IQCE: variants seen among roughly 807,000 people sequenced by gnomAD.
IQCE encodes IQ motif containing E, also known as IQ domain-containing protein E.
Under a neutral mutation model 96.0 loss-of-function variants are expected in IQCE, and 115 were observed. The observed-to-expected ratio is 1.20, with a 90% CI of 1.03 to 1.40. The LOEUF (loss-of-function observed/expected upper bound fraction) is 1.40, where lower values mean the gene tolerates loss of function less well. Among genes scored for constraint, IQCE ranks in the 40% most tolerant of loss-of-function variants. The pLI, the probability that IQCE is intolerant of heterozygous loss-of-function variation, is 0.00. For synonymous variants in IQCE, 412 were observed against 371.2 expected, an observed-to-expected ratio of 1.11 and a Z score of -1.26; for missense variants, 1,041 against 909.1, an observed-to-expected ratio of 1.15 and a Z score of -1.87.
intron 11 of IQCE, among the ~76,000 whole-genome samples, chr7:2,585,137 G>A (rs1782998559): frequency 6.6e-6 from 1 of 151,062 alleles, no homozygotes; most frequent in South Asian, 2.1e-4. Context: ...CTGGGTTCAA[G>A]TGATTATCTT....
In IQCE at chr7:2,613,279, G is replaced by A. The variant is rs1430657058; in HGVS notation, c.*3117G>A. The stretch of plus-strand genomic sequence containing the variant: ...CTGGTGAGCCACAGGTGCAGTACCC[G>A]GAGGTGTGCTCTCCCCTAGAGGCCT... On this transcript the variant is annotated 3_prime_UTR_variant, in exon 22 of 22. Transcript: ENST00000402050. 4 of 152,456 alleles carry A rather than the reference G, an allele frequency of 2.6e-5. No homozygotes were observed. Among genetic ancestry groups the A allele is most frequent in the Admixed American group, 6.5e-5 (1 of 15,296 alleles). The allele number at this position is 152,456 out of a possible 1,614,324, so 9.4% of individuals were successfully genotyped here. A position where few individuals can be genotyped will look rare whatever the true frequency, so the allele number is the denominator to read the frequency against.
At chr7:2,598,155 T>C (rs1784186025) in intron 16 of IQCE, 1 of 282,154 alleles carries the variant, frequency 3.5e-6, no homozygotes, top group South Asian at 1.6e-4. Flanking sequence ...CTGAGTGTAG[T>C]GAGTGTGTGA....
At chr7:2,566,291 CCT>C (rs1491103334) in intron 1 of IQCE, among the ~76,000 whole-genome samples, 1 of 139,168 alleles carries the variant, frequency 7.2e-6, no homozygotes, top group Non-Finnish European at 1.5e-5. Context: ...CAAAAAGCTT[CCT>C]TTTTTTTTTT....
chr7:2,582,041 A>G (rs2128449105), intron 8 of IQCE: 1 of 468,564 alleles, frequency 2.1e-6, no homozygotes, highest in Non-Finnish European at 4.4e-6. Flanking sequence ...ATATAAGAAT[A>G]TTGTCTCCTC....
At chr7:2,589,728 C>G (rs1320280790) in intron 13 of IQCE, among the ~76,000 whole-genome samples, 179 bp from the exon 14 acceptor site, 1 of 152,188 alleles carries the variant, frequency 6.6e-6, no homozygotes, top group East Asian at 1.9e-4. Flanking sequence ...GAGCAGGGAT[C>G]ATGCTCTTCC....
At chr7:2,565,266 T>C (rs1344920830) in intron 1 of IQCE, among the ~76,000 whole-genome samples, 2 of 151,880 alleles carry the variant, frequency 1.3e-5, no homozygotes, top group Admixed American at 6.6e-5. Context: ...CGTGTGTGTG[T>C]GTGCGCTGTG....
chr7:2,563,040 C>T lies in IQCE; in HGVS notation c.36+3823C>T, dbSNP rs144266903. 1.7e-3 allele frequency among the ~76,000 whole-genome samples: 266 copies of T among 152,264 alleles called. 1 individual carries two copies. The highest frequency in any genetic ancestry group is 6.3e-3 in the African/African-American group (262 of 41,542). On this transcript the variant is annotated intron_variant, in intron 1 of 21. Coordinates refer to ENST00000402050, the MANE Select transcript of IQCE (RefSeq NM_152558.5). ...TCCTGGGCTTGAGTGATCCTCCTGC[C>T]TCGGCCTCCCAAGTAGCTGGGACTA...
At chr7:2,605,792 G>A (rs1784772874) in intron 19 of IQCE, 84 bp from the exon 20 acceptor site, 7 of 1,335,558 alleles carry the variant, frequency 5.2e-6, no homozygotes, top group African/African-American at 1.5e-5. Flanking sequence ...TCTCCCTGAC[G>A]CCCAGGGTGC....
intron 11 of IQCE, among the ~76,000 whole-genome samples, chr7:2,585,927 T>C (rs1783069386): frequency 6.6e-6 from 1 of 152,226 alleles, no homozygotes; most frequent in Non-Finnish European, 1.5e-5. Flanking sequence ...TCCACAGCCC[T>C]TCTAGTGATG....
chr7:2,569,112 C>A, intron 3 of IQCE, 113 bp downstream of exon 3: 1 of 975,848 alleles, frequency 1.0e-6, no homozygotes. Context: ...ACGCCTCAGC[C>A]AGTTGGCCCC....
chr7:2,596,359 T>C (rs1416745672), intron 16 of IQCE, among the ~76,000 whole-genome samples: 1 of 150,560 alleles, frequency 6.6e-6, no homozygotes, highest in African/African-American at 2.4e-5. Context: ...CTGAAAACAC[T>C]ATTGAAATAC....
chr7:2,574,914 A>T (rs1443741750), intron 6 of IQCE, among the ~76,000 whole-genome samples: 1 of 151,996 alleles, frequency 6.6e-6, no homozygotes, highest in Admixed American at 6.5e-5. Context: ...TTCAGTTCTG[A>T]AATCTCTGTG....
chr7:2,585,436 C>T (rs1231547543), intron 11 of IQCE, among the ~76,000 whole-genome samples: 1 of 152,244 alleles, frequency 6.6e-6, no homozygotes, highest in African/African-American at 2.4e-5. Flanking sequence ...GATTAATTTT[C>T]ATCAAACTCA....
chr7:2,591,807 G>A (rs989869583), intron 14 of IQCE, among the ~76,000 whole-genome samples: 2 of 152,066 alleles, frequency 1.3e-5, no homozygotes, highest in Admixed American at 1.3e-4. Context: ...TTTTAGTAGA[G>A]ATGGGGTTTC....
chr7:2,575,229 C>T lies in IQCE; in HGVS notation c.465+1741C>T, dbSNP rs537312050. On this transcript the variant is annotated intron_variant, in intron 6 of 21. Transcript: ENST00000402050. Reference sequence around the variant, plus strand: ...TGTGGCAGGCCTCCTTTCACGCTGCCCTGTAGGTCAAGGGGGTACCACCTC... The same window carrying T: ...TGTGGCAGGCCTCCTTTCACGCTGCTCTGTAGGTCAAGGGGGTACCACCTC... Among the ~76,000 whole-genome samples, 3 of 152,346 alleles carry T rather than the reference C, an allele frequency of 2.0e-5. No individual in the cohort carries two copies. The South Asian group carries it at 6.2e-4, about 32-fold the overall frequency.
intron 16 of IQCE, 111 bp from the exon 17 acceptor site, chr7:2,598,352 ACT>A (rs1336434567): frequency 9.7e-7 from 1 of 1,036,148 alleles, no homozygotes; most frequent in African/African-American, 1.6e-5. Flanking sequence ...CATTAGTGAG[ACT>A]CACCTGATAA....
At chr7:2,583,106 G>A (rs1347443483) in intron 9 of IQCE, among the ~76,000 whole-genome samples, 2 of 152,076 alleles carry the variant, frequency 1.3e-5, no homozygotes, top group African/African-American at 2.4e-5. Flanking sequence ...GTTTCCTGCC[G>A]AATTTTGTCA....
chr7:2,603,526 G>A (rs1784581919), intron 18 of IQCE, among the ~76,000 whole-genome samples: 1 of 152,212 alleles, frequency 6.6e-6, no homozygotes, highest in Non-Finnish European at 1.5e-5. Context: ...AGTAAAGACA[G>A]CAGTGAGGCT....
intron 1 of IQCE, among the ~76,000 whole-genome samples, chr7:2,564,818 C>A (rs780990838): frequency 1.2e-4 from 19 of 152,068 alleles, no homozygotes; most frequent in African/African-American, 4.3e-4. Context: ...TTTTTAGTGT[C>A]TGCTGATCAA....
Sources: gnomAD v4.1 joint callset for allele counts (sites outside exome capture counted in the v4.1 genomes callset) on GRCh38, gnomAD v4.1.1 for gene constraint, MANE v1.5 for transcripts, NCBI Gene and HGNC (gene_info 2026-07-23, HGNC 2026-07-21) for gene names.